The following KIF16B variants were observed in gnomAD, a reference collection of about 807,000 sequenced individuals.
KIF16B encodes kinesin-like protein KIF16B.
In KIF16B, 98 loss-of-function variants were observed where a neutral mutation model predicts 156.3. The ratio of observed to expected loss-of-function variants is 0.63; its 90% CI spans 0.53 to 0.74. The LOEUF (loss-of-function observed/expected upper bound fraction) is 0.74. KIF16B is among the 30% of genes least tolerant of loss of function. KIF16B has a pLI of 0.00. For missense variants in KIF16B, 1,421 were observed against 1,606.5 expected (o/e 0.88, Z 1.97); for synonymous variants, 564 against 583.7 (o/e 0.97, Z 0.49).
At chr20:16,320,600 A>C (rs1162772880) in intron 24 of KIF16B, among the ~76,000 whole-genome samples, 1 of 152,202 alleles carries the variant, frequency 6.6e-6, no homozygotes, top group East Asian at 1.9e-4. Context: ...ATGTGACCCA[A>C]AAAGTTTATA....
At chr20:16,514,143 GA>G (rs2069055275) in intron 4 of KIF16B, among the ~76,000 whole-genome samples, 3 of 151,744 alleles carry the variant, frequency 2.0e-5, no homozygotes, top group Admixed American at 2.0e-4. Context: ...ATAAATGTTT[GA>G]CTTACATAAA....
intron 12 of KIF16B, among the ~76,000 whole-genome samples, chr20:16,486,246 C>T (rs989365323): frequency 6.6e-6 from 1 of 151,544 alleles, no homozygotes; most frequent in Non-Finnish European, 1.5e-5. Flanking sequence ...AGGTCTACCA[C>T]ATAAGATGCT....
intron 12 of KIF16B, among the ~76,000 whole-genome samples, chr20:16,434,936 T>C (rs1035068909): frequency 1.9e-4 from 29 of 152,080 alleles, no homozygotes; most frequent in African/African-American, 6.0e-4. Flanking sequence ...TTAGAGCACA[T>C]GCCCAGTGTG....
chr20:16,428,536 G>C (rs535989273), intron 14 of KIF16B, among the ~76,000 whole-genome samples: 2 of 152,134 alleles, frequency 1.3e-5, no homozygotes, highest in African/African-American at 2.4e-5. Flanking sequence ...CCTACTTTCT[G>C]TTGTCATCTT....
At chr20:16,555,533 A>G (rs1039850130) in intron 1 of KIF16B, among the ~76,000 whole-genome samples, 1 of 152,260 alleles carries the variant, frequency 6.6e-6, no homozygotes, top group African/African-American at 2.4e-5. Context: ...TCCTCCAAGG[A>G]AAAGCTCATA....
chr20:16,413,007 C>T (rs2065997039), intron 15 of KIF16B, among the ~76,000 whole-genome samples: 1 of 151,830 alleles, frequency 6.6e-6, no homozygotes, highest in Non-Finnish European at 1.5e-5. Context: ...CTTAATCTCT[C>T]CAGAATTCAG....
intron 12 of KIF16B, among the ~76,000 whole-genome samples, chr20:16,472,033 T>A (rs774287606): frequency 2.0e-5 from 3 of 152,224 alleles, no homozygotes; most frequent in Admixed American, 6.5e-5. Flanking sequence ...CAACAAAAAT[T>A]ACAACCATAG....
intron 12 of KIF16B, among the ~76,000 whole-genome samples, chr20:16,435,086 C>A (rs908040846): frequency 7.2e-5 from 11 of 152,112 alleles, no homozygotes; most frequent in Non-Finnish European, 1.5e-4. Context: ...ACTATTTCAA[C>A]CATGTTTCTT....
intron 12 of KIF16B, among the ~76,000 whole-genome samples, chr20:16,450,982 C>T (rs1380054341): frequency 6.6e-6 from 1 of 152,150 alleles, no homozygotes; most frequent in Non-Finnish European, 1.5e-5. Flanking sequence ...GAAGAGAGTG[C>T]CGCGCATCTT....
intron 15 of KIF16B, 114 bp downstream of exon 15, chr20:16,426,990 C>T: frequency 1.1e-6 from 1 of 941,666 alleles, no homozygotes; most frequent in Non-Finnish European, 1.5e-6. Context: ...CAGTCTCACC[C>T]TTTTTATACC....
rs112026824 is a variant in KIF16B, at chr20:16,280,841, C to CGCGTGTGTGTGTGTGTGTGT, written c.3796-7431_3796-7430insACACACACACACACACACGC. ...ATTTCAGTCAACTGCTGCGCGCGCA[C>CGCGTGTGTGTGTGTGTGTGT]GTGTGTGTGTGTGTGTGTGTGTGTG... On this transcript the variant is annotated intron_variant, in intron 25 of 25. Coordinates refer to ENST00000354981, the MANE Select transcript of KIF16B (RefSeq NM_024704.5). Among the ~76,000 whole-genome samples the CGCGTGTGTGTGTGTGTGTGT allele has an allele frequency of 4.7e-3, 351 of 74,446 alleles. 3 individuals carry two copies. Among genetic ancestry groups the CGCGTGTGTGTGTGTGTGTGT allele is most frequent in the South Asian group, 0.019 (28 of 1,490 alleles). 48.8% of individuals were successfully genotyped at this position (74,446 alleles called of 152,430 possible). A position where few individuals can be genotyped will look rare whatever the true frequency, so the allele number is the denominator to read the frequency against.
At chr20:16,469,948 AAAAC>A (rs984307684) in intron 12 of KIF16B, among the ~76,000 whole-genome samples, 17 of 152,308 alleles carry the variant, frequency 1.1e-4, no homozygotes, top group Admixed American at 5.2e-4. Context: ...GATTAAAAAC[AAAAC>A]AAACAAACAA....
intron 1 of KIF16B, among the ~76,000 whole-genome samples, chr20:16,541,127 G>A (rs1242284216): frequency 6.6e-6 from 1 of 152,184 alleles, no homozygotes; most frequent in Non-Finnish European, 1.5e-5. Flanking sequence ...TCTTCCTGCT[G>A]TTCCTTATCC....
chr20:16,443,772 A>G (rs2066863373), intron 12 of KIF16B, among the ~76,000 whole-genome samples: 1 of 152,242 alleles, frequency 6.6e-6, no homozygotes, highest in South Asian at 2.1e-4. Context: ...TGTTGACTGC[A>G]TATGGCCCCA....
intron 23 of KIF16B, among the ~76,000 whole-genome samples, chr20:16,336,498 G>A (rs1285578129): frequency 6.6e-6 from 1 of 152,134 alleles, no homozygotes; most frequent in Non-Finnish European, 1.5e-5. Context: ...GACAAGAAGA[G>A]GCAGGTAGAC....
intron 12 of KIF16B, among the ~76,000 whole-genome samples, chr20:16,460,808 C>T (rs1306507292): frequency 2.0e-5 from 3 of 151,774 alleles, no homozygotes; most frequent in East Asian, 3.9e-4. Flanking sequence ...AAAAAACAGA[C>T]CATGAAAGAA....
intron 12 of KIF16B, among the ~76,000 whole-genome samples, chr20:16,487,529 T>C (rs1380343555): frequency 6.6e-6 from 1 of 152,172 alleles, no homozygotes; most frequent in South Asian, 2.1e-4. Context: ...AAAAAAATCT[T>C]TTATAGGTTG....
chr20:16,517,246 C>T (rs552523066), intron 3 of KIF16B, among the ~76,000 whole-genome samples: 1 of 152,354 alleles, frequency 6.6e-6, no homozygotes, highest in Non-Finnish European at 1.5e-5. Flanking sequence ...AAGATTTCAA[C>T]AAACTGTTAT....
At chr20:16,502,856 T>C (rs1285118434) in intron 10 of KIF16B, among the ~76,000 whole-genome samples, 3 of 152,232 alleles carry the variant, frequency 2.0e-5, no homozygotes, top group Admixed American at 1.3e-4. Context: ...ATATAGTAAT[T>C]TGAGTGATCC....
Sources: gnomAD v4.1 joint callset for allele counts (sites outside exome capture counted in the v4.1 genomes callset) on GRCh38, gnomAD v4.1.1 for gene constraint, MANE v1.5 for transcripts, NCBI Gene and HGNC (gene_info 2026-07-23, HGNC 2026-07-21) for gene names.